The following SLC44A5 variants were observed in gnomAD, a reference collection of about 807,000 sequenced individuals.
SLC44A5 encodes the protein solute carrier family 44 member 5.
A neutral mutation model predicts 101.8 loss-of-function variants in SLC44A5; 57 were observed. The ratio of observed to expected loss-of-function variants is 0.56; its 90% CI spans 0.45 to 0.70. The LOEUF is 0.70. SLC44A5 is among the 30% of genes least tolerant of loss of function. The pLI is 0.00. For synonymous variants in SLC44A5, 281 were observed against 290.9 expected (o/e 0.97, Z 0.35); for missense variants, 737 against 853.1 (o/e 0.86, Z 1.70).
In SLC44A5 at chr1:75,242,904, G is replaced by T; in HGVS notation, c.453C>A (p.Thr151=). The T allele has an allele frequency of 6.2e-7, 1 of 1,610,166 alleles. No homozygotes were observed. Among genetic ancestry groups the T allele is most frequent in the Non-Finnish European group, 8.5e-7 (1 of 1,178,146 alleles). ...CACATACCTTCACAGGCTTAGCAGT[G>T]GTCTTACAGAACTGACGGTAGTCTT... ...YWEDYRQFCK[T]TAKPVKSLTQ... is the part of the protein sequence containing the mutation. The change falls in exon 8 of 24, where the codon ACC becomes ACA. Residue 151 remains threonine (T), a synonymous_variant. Coordinates refer to ENST00000370859, the MANE Select transcript of SLC44A5 (RefSeq NM_001130058.2).
the SLC44A5 span, among the ~76,000 whole-genome samples, chr1:75,646,934 G>T: frequency 6.6e-6 from 1 of 152,146 alleles, no homozygotes; most frequent in Non-Finnish European, 1.5e-5. Flanking sequence ...CAAAAGAAAA[G>T]AAAAATCCAT....
chr1:75,444,036 G>T (rs1357500116), intron 2 of SLC44A5, among the ~76,000 whole-genome samples: 2 of 151,946 alleles, frequency 1.3e-5, no homozygotes, highest in Non-Finnish European at 2.9e-5. Context: ...AGTGCTGATG[G>T]CCAGGCATGG....
At chr1:75,404,345 G>A (rs1198604067) in intron 2 of SLC44A5, among the ~76,000 whole-genome samples, 1 of 152,058 alleles carries the variant, frequency 6.6e-6, no homozygotes, top group Non-Finnish European at 1.5e-5. Context: ...GAAATACAGA[G>A]AACACCACAA....
chr1:75,707,815 G>A, the SLC44A5 span, among the ~76,000 whole-genome samples: 4 of 151,822 alleles, frequency 2.6e-5, no homozygotes, highest in Non-Finnish European at 4.4e-5. Context: ...TATCAAATTT[G>A]GATAAATTGA....
At chr1:75,619,080 G>GGT in the SLC44A5 span, among the ~76,000 whole-genome samples, 2 of 58,806 alleles carry the variant, frequency 3.4e-5, no homozygotes, top group Non-Finnish European at 6.2e-5. Context: ...CAAAAAAAAA[G>GGT]GGGGGGGGGA....
intron 2 of SLC44A5, among the ~76,000 whole-genome samples, chr1:75,460,499 T>C (rs1209028996): frequency 6.6e-6 from 1 of 152,200 alleles, no homozygotes; most frequent in East Asian, 1.9e-4. Flanking sequence ...CTGGAAGATA[T>C]AAGCCCATTT....
chr1:75,711,777 A>T, the SLC44A5 span, among the ~76,000 whole-genome samples: 1 of 152,198 alleles, frequency 6.6e-6, no homozygotes, highest in Non-Finnish European at 1.5e-5. Context: ...AGAATCAGAG[A>T]CTTTGTGAAA....
intron 2 of SLC44A5, among the ~76,000 whole-genome samples, chr1:75,481,021 A>C (rs1667810195): frequency 6.6e-6 from 1 of 152,216 alleles, no homozygotes; most frequent in Admixed American, 6.5e-5. Context: ...AGGCTACAGT[A>C]ACCAAAACAG....
the SLC44A5 span, among the ~76,000 whole-genome samples, chr1:75,631,972 A>G: frequency 6.6e-6 from 1 of 152,016 alleles, no homozygotes; most frequent in Non-Finnish European, 1.5e-5. Context: ...GGACAGTATC[A>G]CTCATCCTTA....
the SLC44A5 span, among the ~76,000 whole-genome samples, chr1:75,697,980 T>C: frequency 0.91 from 138,027 of 152,210 alleles, 62,789 homozygotes; most frequent in Middle Eastern, 0.94. Context: ...GATTATATCC[T>C]GCACATGGCT....
intron 1 of SLC44A5, among the ~76,000 whole-genome samples, chr1:75,564,472 C>A (rs934109490): frequency 6.6e-6 from 1 of 151,762 alleles, no homozygotes; most frequent in Non-Finnish European, 1.5e-5. Flanking sequence ...CAGAGAAAAG[C>A]TTTGTAATTA....
the SLC44A5 span, among the ~76,000 whole-genome samples, chr1:75,703,332 A>T: frequency 3.9e-5 from 6 of 152,176 alleles, no homozygotes; most frequent in Admixed American, 6.5e-5. Context: ...ATGCAGACAT[A>T]AAAAAGGATG....
At chr1:75,326,983 A>C (rs1290018672) in intron 4 of SLC44A5, among the ~76,000 whole-genome samples, 1 of 152,164 alleles carries the variant, frequency 6.6e-6, no homozygotes, top group Non-Finnish European at 1.5e-5. Context: ...GAAAACATTA[A>C]GAAATAAGGT....
chr1:75,641,576 T>A, the SLC44A5 span: 5 of 1,512,252 alleles, frequency 3.3e-6, no homozygotes, highest in Non-Finnish European at 4.6e-6. Flanking sequence ...TTCTACATGA[T>A]CTTCCCCTTC....
chr1:75,548,528 C>A (rs528900056), intron 1 of SLC44A5, among the ~76,000 whole-genome samples: 1 of 151,956 alleles, frequency 6.6e-6, no homozygotes, highest in South Asian at 2.1e-4. Flanking sequence ...AGCTATTGGT[C>A]CCAAATATGC....
intron 2 of SLC44A5, among the ~76,000 whole-genome samples, chr1:75,453,894 G>A (rs185945037): frequency 3.3e-5 from 5 of 152,128 alleles, no homozygotes; most frequent in East Asian, 3.9e-4. Context: ...TGCTGAAATC[G>A]AATCAGTAAT....
intron 5 of SLC44A5, among the ~76,000 whole-genome samples, chr1:75,293,375 T>G (rs1431478912): frequency 1.3e-5 from 2 of 152,210 alleles, no homozygotes; most frequent in Non-Finnish European, 2.9e-5. Flanking sequence ...GACCAACTGC[T>G]TGCACCGACA....
At chr1:75,419,403 G>C (rs1485099051) in intron 2 of SLC44A5, among the ~76,000 whole-genome samples, 1 of 149,914 alleles carries the variant, frequency 6.7e-6, no homozygotes, top group Non-Finnish European at 1.5e-5. Flanking sequence ...AGATAAGAAT[G>C]AATGACGGTA....
rs1387068605 is a variant in SLC44A5, at chr1:75,548,424, C to T, written c.-69-6908G>A. ...TAAAAATGTGTTTACCATTAAGCAACCACTATACTAAATAATAATTTAAGC... is the reference window on the plus strand; with the variant it reads ...TAAAAATGTGTTTACCATTAAGCAATCACTATACTAAATAATAATTTAAGC... On this transcript the variant is annotated intron_variant, in intron 1 of 23. Coordinates refer to ENST00000370859, the MANE Select transcript of SLC44A5 (RefSeq NM_001130058.2). Among the ~76,000 whole-genome samples the T allele has an allele frequency of 3.3e-5, 5 of 151,974 alleles. No homozygotes were observed. The East Asian group carries it at 9.6e-4, about 29-fold the overall frequency.
Sources: allele counts gnomAD v4.1 joint callset (sites outside exome capture counted in the v4.1 genomes callset), GRCh38; gene constraint gnomAD v4.1.1; transcripts MANE v1.5; gene names NCBI Gene and HGNC (gene_info 2026-07-23, HGNC 2026-07-21).